SEL1L2: variants seen among roughly 807,000 people sequenced by gnomAD.
SEL1L2 encodes SEL1L2 adaptor subunit of SYVN1 ubiquitin ligase, also known as protein sel-1 homolog 2.
SEL1L2 carries 89 observed loss-of-function variants against 98.8 expected under a neutral mutation model. The observed-to-expected ratio is 0.90, with a 90% CI of 0.76 to 1.07. The LOEUF (loss-of-function observed/expected upper bound fraction) is 1.07, where lower values mean the gene tolerates loss of function less well. Among genes scored for constraint, SEL1L2 ranks in the 50% least tolerant of loss-of-function variants. SEL1L2 has a pLI of 0.00. For missense variants in SEL1L2, 788 were observed against 812.0 expected, an observed-to-expected ratio of 0.97 and a Z score of 0.36; for synonymous variants, 262 against 278.5, an observed-to-expected ratio of 0.94 and a Z score of 0.59.
At chr20:13,901,815 C>T (rs552696277) in intron 5 of SEL1L2, among the ~76,000 whole-genome samples, 1 of 151,974 alleles carries the variant, frequency 6.6e-6, no homozygotes, top group Non-Finnish European at 1.5e-5. Context: ...GCGCCCGCCA[C>T]CACGCCCGGC....
At chr20:13,864,649 T>C (rs1053866862) in intron 17 of SEL1L2, among the ~76,000 whole-genome samples, 2 of 152,142 alleles carry the variant, frequency 1.3e-5, no homozygotes, top group African/African-American at 2.4e-5. Flanking sequence ...CATGTATCTG[T>C]TTTGTTTTGG....
chr20:13,926,985 G>A (rs1044765082), intron 3 of SEL1L2, among the ~76,000 whole-genome samples: 1 of 152,158 alleles, frequency 6.6e-6, no homozygotes, highest in Non-Finnish European at 1.5e-5. Flanking sequence ...TGTTCCTACT[G>A]CATGATTGGT....
chr20:13,891,065 G>T (rs941279684), intron 5 of SEL1L2, among the ~76,000 whole-genome samples: 1 of 152,136 alleles, frequency 6.6e-6, no homozygotes, highest in African/African-American at 2.4e-5. Flanking sequence ...CTCAGAAGAA[G>T]AAGAGAGAGA....
chr20:13,913,938 G>A lies in SEL1L2; in HGVS notation c.393C>T (p.Tyr131=), dbSNP rs2148191255. Reference sequence around the variant, plus strand: ...TGTCAGCTGCTTTGGCAAAAAGTAGGTAGGCTCTGTTTCAAGAATATAAAG... The same window carrying A: ...TGTCAGCTGCTTTGGCAAAAAGTAGATAGGCTCTGTTTCAAGAATATAAAG... ...SKSQKQKEEA[Y]LLFAKAADMG... Residue 131 remains tyrosine, a synonymous_variant, in exon 5 of 20, where the codon TAC becomes TAT. Transcript: ENST00000284951. 6.4e-7 allele frequency: 1 copy of A among 1,560,722 alleles called. No individual in the cohort carries two copies. The highest frequency in any genetic ancestry group is 1.4e-5 in the African/African-American group (1 of 71,164).
At chr20:13,960,664 T>A (rs1380572492) in intron 1 of SEL1L2, among the ~76,000 whole-genome samples, 1 of 152,204 alleles carries the variant, frequency 6.6e-6, no homozygotes, top group Non-Finnish European at 1.5e-5. Flanking sequence ...GAGTAGCTTG[T>A]TTCGTACCAC....
intron 18 of SEL1L2, among the ~76,000 whole-genome samples, chr20:13,858,245 A>G (rs1393230750): frequency 1.3e-5 from 2 of 152,106 alleles, no homozygotes; most frequent in African/African-American, 4.8e-5. Context: ...TACTAGCACA[A>G]CCGGAAGAAA....
chr20:13,863,172 C>T (rs1990446639), intron 17 of SEL1L2, among the ~76,000 whole-genome samples: 1 of 152,134 alleles, frequency 6.6e-6, no homozygotes, highest in Non-Finnish European at 1.5e-5. Flanking sequence ...AAACCTATTC[C>T]ATCTCTAATT....
chr20:13,892,341 T>A (rs2148028094), intron 5 of SEL1L2, among the ~76,000 whole-genome samples: 1 of 151,988 alleles, frequency 6.6e-6, no homozygotes, highest in Admixed American at 6.6e-5. Context: ...TCCCAGCTAC[T>A]TGGGAAGCTG....
chr20:13,978,796 C>A (rs2051670739), intron 1 of SEL1L2, among the ~76,000 whole-genome samples: 1 of 152,178 alleles, frequency 6.6e-6, no homozygotes, highest in African/African-American at 2.4e-5. Context: ...GTGGCTCACG[C>A]CTGTAATCCC....
At chr20:13,891,663 C>CAAAAAAA (rs61545047) in intron 5 of SEL1L2, among the ~76,000 whole-genome samples, 8 of 74,208 alleles carry the variant, frequency 1.1e-4, no homozygotes, top group Admixed American at 1.7e-4. Context: ...AAGACTCCAT[C>CAAAAAAA]AAAAAAAAAA....
At chr20:13,951,276 CAAAA>C (rs764034768) in intron 2 of SEL1L2, among the ~76,000 whole-genome samples, 1 of 25,504 alleles carries the variant, frequency 3.9e-5, no homozygotes, top group Non-Finnish European at 6.8e-5. Flanking sequence ...GACTCCGTCT[CAAAA>C]AAAAAAAAAA....
At chr20:13,902,001 G>A (rs189350931) in intron 5 of SEL1L2, among the ~76,000 whole-genome samples, 10 of 152,178 alleles carry the variant, frequency 6.6e-5, no homozygotes, top group Admixed American at 6.5e-4. Context: ...TTAAGGGGTG[G>A]TTTATGAAGA....
At chr20:13,918,897 A>T in intron 4 of SEL1L2, 124 bp downstream of exon 4, 1 of 640,756 alleles carries the variant, frequency 1.6e-6, no homozygotes, top group Admixed American at 3.1e-5. Flanking sequence ...TAAAAACAAT[A>T]GTTTATGGGC....
At chr20:13,871,471 C>A (rs916612167) in intron 12 of SEL1L2, among the ~76,000 whole-genome samples, 1 of 151,930 alleles carries the variant, frequency 6.6e-6, no homozygotes, top group East Asian at 1.9e-4. Context: ...CGCATTTCAC[C>A]CTCTAGTGAC....
chr20:13,964,748 C>CT (rs924625612), intron 1 of SEL1L2, among the ~76,000 whole-genome samples: 27 of 151,276 alleles, frequency 1.8e-4, no homozygotes, highest in South Asian at 6.3e-4. Context: ...TCTTAATAGT[C>CT]TTTTTTTTTC....
At chr20:13,895,245 C>T (rs1196418092) in intron 5 of SEL1L2, among the ~76,000 whole-genome samples, 1 of 152,066 alleles carries the variant, frequency 6.6e-6, no homozygotes, top group Non-Finnish European at 1.5e-5. Context: ...GAGTTTGAGA[C>T]CAGCCTGGCC....
chr20:13,993,727 T>C (rs1244262194), upstream of SEL1L2, among the ~76,000 whole-genome samples: 3 of 152,178 alleles, frequency 2.0e-5, no homozygotes, highest in Non-Finnish European at 4.4e-5. Context: ...TCAATATCTT[T>C]TCTACAAAAT....
intron 1 of SEL1L2, among the ~76,000 whole-genome samples, chr20:13,969,396 CATT>C (rs1243835221): frequency 2.0e-5 from 3 of 152,128 alleles, no homozygotes; most frequent in Non-Finnish European, 4.4e-5. Context: ...ACAGGTAAAA[CATT>C]GTTGTGTTTT....
chr20:13,911,793 G>C (rs1288271319), intron 5 of SEL1L2, among the ~76,000 whole-genome samples: 18 of 152,180 alleles, frequency 1.2e-4, no homozygotes. Context: ...ATTCTATGGA[G>C]TCTTAGAAAA....
Sources: allele counts gnomAD v4.1 joint callset (sites outside exome capture counted in the v4.1 genomes callset), GRCh38; gene constraint gnomAD v4.1.1; transcripts MANE v1.5; gene names NCBI Gene and HGNC (gene_info 2026-07-23, HGNC 2026-07-21).